KCNIP4: variants seen among roughly 807,000 people sequenced by gnomAD.
The protein encoded by KCNIP4 is Kv channel-interacting protein 4.
A neutral mutation model predicts 34.0 loss-of-function variants in KCNIP4; 12 were observed. That is an observed-to-expected ratio of 0.35 (90% CI 0.23 to 0.57). KCNIP4 has a LOEUF of 0.57. Among genes scored for constraint, KCNIP4 ranks in the 20% least tolerant of loss-of-function variants. The pLI, the probability that KCNIP4 is intolerant of heterozygous loss-of-function variation, is 0.83. For synonymous variants in KCNIP4, 124 were observed against 102.2 expected, an observed-to-expected ratio of 1.21 and a Z score of -1.29; for missense variants, 238 against 311.7, an observed-to-expected ratio of 0.76 and a Z score of 1.78.
intron 1 of KCNIP4, among the ~76,000 whole-genome samples, chr4:21,252,578 C>T (rs943333674): frequency 7.2e-5 from 11 of 151,950 alleles, no homozygotes; most frequent in African/African-American, 2.2e-4. Context: ...CCTGATGTAA[C>T]GCTGACAATG....
intron 1 of KCNIP4, among the ~76,000 whole-genome samples, chr4:21,673,346 A>G (rs1410362773): frequency 1.3e-5 from 2 of 152,182 alleles, no homozygotes; most frequent in Non-Finnish European, 2.9e-5. Context: ...TGGTTCTCTT[A>G]GTTGATCAGG....
intron 1 of KCNIP4, among the ~76,000 whole-genome samples, chr4:21,577,220 T>A (rs1163506775): frequency 6.6e-6 from 1 of 152,206 alleles, no homozygotes; most frequent in Non-Finnish European, 1.5e-5. Context: ...TGAAAAACCC[T>A]TGACTCTAAC....
At chr4:21,764,746 G>A (rs1276680720) in intron 1 of KCNIP4, among the ~76,000 whole-genome samples, 1 of 152,054 alleles carries the variant, frequency 6.6e-6, no homozygotes, top group Non-Finnish European at 1.5e-5. Flanking sequence ...AAGACTAAGG[G>A]ACCTACTTCC....
At chr4:21,853,716 C>G (rs942993961) in intron 1 of KCNIP4, among the ~76,000 whole-genome samples, 17 of 152,268 alleles carry the variant, frequency 1.1e-4, no homozygotes, top group South Asian at 6.2e-4. Flanking sequence ...AGGCCATAAA[C>G]ATAGGGGAAT....
chr4:21,814,302 C>A (rs1233555105), intron 1 of KCNIP4, among the ~76,000 whole-genome samples: 1 of 152,140 alleles, frequency 6.6e-6, no homozygotes, highest in Non-Finnish European at 1.5e-5. Flanking sequence ...CCACCCAAAT[C>A]TTATCTTAAA....
intron 1 of KCNIP4, among the ~76,000 whole-genome samples, chr4:21,337,472 G>A (rs1716293526): frequency 1.3e-5 from 2 of 152,264 alleles, no homozygotes; most frequent in East Asian, 1.9e-4. Context: ...CTCCTTGCGT[G>A]CAAGCTTTGA....
chr4:21,356,043 G>A (rs750178093), intron 1 of KCNIP4, among the ~76,000 whole-genome samples: 2 of 152,032 alleles, frequency 1.3e-5, no homozygotes, highest in Non-Finnish European at 2.9e-5. Context: ...CAGAACCAAC[G>A]ACAAAAACCA....
intron 1 of KCNIP4, among the ~76,000 whole-genome samples, chr4:21,920,255 G>A (rs1560182465): frequency 6.6e-6 from 1 of 152,074 alleles, no homozygotes; most frequent in Non-Finnish European, 1.5e-5. Context: ...GTATCTGTAG[G>A]TTCCACATCC....
intron 1 of KCNIP4, among the ~76,000 whole-genome samples, chr4:20,913,954 A>G (rs1844809): frequency 0.83 from 125,917 of 152,104 alleles, 52,212 homozygotes; most frequent in East Asian, 0.84. Flanking sequence ...TCAGGAGTTC[A>G]AGACCAGCCT....
chr4:20,806,310 T>C (rs1044422256), intron 3 of KCNIP4, among the ~76,000 whole-genome samples: 3 of 152,154 alleles, frequency 2.0e-5, no homozygotes, highest in African/African-American at 7.2e-5. Context: ...TTCCATTTCA[T>C]GCATATTGCT....
chr4:20,740,008 A>G (rs1750675425), intron 5 of KCNIP4, among the ~76,000 whole-genome samples: 5 of 152,214 alleles, frequency 3.3e-5, no homozygotes, highest in African/African-American at 9.6e-5. Flanking sequence ...TTGAAGATCA[A>G]GTGAATGAAA....
At chr4:20,908,385 G>A (rs917471259) in intron 1 of KCNIP4, among the ~76,000 whole-genome samples, 3 of 152,132 alleles carry the variant, frequency 2.0e-5, no homozygotes, top group South Asian at 2.1e-4. Context: ...GTGAACCACC[G>A]CACCCGGCCT....
intron 2 of KCNIP4, among the ~76,000 whole-genome samples, chr4:20,877,030 TA>T (rs1248504356): frequency 6.6e-6 from 1 of 152,062 alleles, no homozygotes; most frequent in African/African-American, 2.4e-5. Flanking sequence ...TCCTTCTTTC[TA>T]AATGCTACTA....
intron 1 of KCNIP4, among the ~76,000 whole-genome samples, chr4:21,551,254 C>T (rs556443362): frequency 9.9e-5 from 15 of 151,760 alleles, no homozygotes; most frequent in Admixed American, 2.6e-4. Flanking sequence ...ACATATAAAC[C>T]CATTTAGATT....
At chr4:21,183,494 GAC>G (rs1196430269) in intron 1 of KCNIP4, among the ~76,000 whole-genome samples, 1 of 146,224 alleles carries the variant, frequency 6.8e-6, no homozygotes, top group Non-Finnish European at 1.5e-5. Context: ...GGTTTTTGGA[GAC>G]AGAGTCTTGC....
chr4:21,066,250 G>C (rs983351688), intron 1 of KCNIP4, among the ~76,000 whole-genome samples: 3 of 152,084 alleles, frequency 2.0e-5, no homozygotes, highest in Non-Finnish European at 4.4e-5. Context: ...CTTCCATTCA[G>C]TTTCAGTATT....
At chr4:21,445,238 T>C (rs1457156649) in intron 1 of KCNIP4, among the ~76,000 whole-genome samples, 1 of 152,164 alleles carries the variant, frequency 6.6e-6, no homozygotes, top group Non-Finnish European at 1.5e-5. Flanking sequence ...CCCATCAAGC[T>C]ACCAATGACT....
intron 5 of KCNIP4, among the ~76,000 whole-genome samples, chr4:20,744,446 G>A (rs1458901640): frequency 6.6e-6 from 1 of 151,068 alleles, no homozygotes; most frequent in Non-Finnish European, 1.5e-5. Flanking sequence ...CCATAAAAAG[G>A]ATGAGTTCAT....
chr4:21,588,530 C>T (rs73252288), intron 1 of KCNIP4, among the ~76,000 whole-genome samples: 4,669 of 152,028 alleles, frequency 0.031, 73 homozygotes, highest in South Asian at 0.073. Flanking sequence ...AAGTGTCCCA[C>T]GCCCTACATC....
Sources: gnomAD v4.1 joint callset for allele counts (sites outside exome capture counted in the v4.1 genomes callset) on GRCh38, gnomAD v4.1.1 for gene constraint, MANE v1.5 for transcripts, NCBI Gene and HGNC (gene_info 2026-07-23, HGNC 2026-07-21) for gene names.